Variants in CCDC192 observed in about 807,000 individuals in gnomAD.
CCDC192 encodes the protein coiled-coil domain containing 192, also known as coiled-coil domain-containing protein 192.
intron 5 of CCDC192, among the ~76,000 whole-genome samples, chr5:127,798,528 T>C (rs1198153242): frequency 1.3e-5 from 2 of 152,090 alleles, no homozygotes; most frequent in African/African-American, 2.4e-5. Context: ...AGAGCAGTTC[T>C]TCTTAAACTT....
At chr5:127,885,211 G>A (rs1194183813) in intron 6 of CCDC192, among the ~76,000 whole-genome samples, 5 of 152,186 alleles carry the variant, frequency 3.3e-5, no homozygotes, top group Non-Finnish European at 7.3e-5. Flanking sequence ...GGGAATTGGA[G>A]CTTGATCAAT....
intron 2 of CCDC192, among the ~76,000 whole-genome samples, chr5:127,711,166 A>T (rs981778241): frequency 2.6e-5 from 4 of 152,214 alleles, no homozygotes; most frequent in Non-Finnish European, 5.9e-5. Context: ...ATATAATGTC[A>T]TTGGTTATGT....
chr5:127,753,985 A>G (rs1183671634), intron 2 of CCDC192, among the ~76,000 whole-genome samples: 1 of 152,240 alleles, frequency 6.6e-6, no homozygotes, highest in Non-Finnish European at 1.5e-5. Flanking sequence ...TAAAAGTTTC[A>G]AAGTAGTCAA....
Position 127,713,336 on chromosome 5 carries a change from C to A in CCDC192, c.114+5576C>A, listed in dbSNP as rs1343438867. 7.9e-5 allele frequency among the ~76,000 whole-genome samples: 12 copies of A among 152,030 alleles called. 1 individual carries two copies. The highest frequency in any genetic ancestry group is 7.9e-4 in the Admixed American group (12 of 15,266). On this transcript the variant is annotated intron_variant, in intron 2 of 6. Coordinates refer to ENST00000514853, the MANE Select transcript of CCDC192 (RefSeq NM_001317938.2). ...GCTAATGGTGTTGAGCAACTTTTCA[C>A]TTGCTTATTTGCCATCCTTCAATCT... is the stretch of plus-strand genomic sequence containing the variant.
intron 5 of CCDC192, among the ~76,000 whole-genome samples, chr5:127,818,173 G>A (rs974988753): frequency 2.0e-5 from 3 of 151,990 alleles, no homozygotes; most frequent in Non-Finnish European, 2.9e-5. Flanking sequence ...CTTGCACTCT[G>A]GAATAAATAA....
At chr5:127,749,512 T>C (rs1239328297) in intron 2 of CCDC192, among the ~76,000 whole-genome samples, 2 of 152,180 alleles carry the variant, frequency 1.3e-5, no homozygotes, top group East Asian at 3.9e-4. Context: ...GGATTCGTTT[T>C]GCCAGTATTT....
chr5:127,899,476 C>A (rs1561544595), intron 6 of CCDC192, among the ~76,000 whole-genome samples: 1 of 151,560 alleles, frequency 6.6e-6, no homozygotes, highest in Non-Finnish European at 1.5e-5. Flanking sequence ...GGTTGGCAAG[C>A]CAGAGGGCCT....
At chr5:127,937,354 C>T (rs1036308181) in intron 6 of CCDC192, among the ~76,000 whole-genome samples, 6 of 152,004 alleles carry the variant, frequency 3.9e-5, no homozygotes, top group African/African-American at 9.7e-5. Flanking sequence ...CCCTAGCCCC[C>T]GACTAGATGG....
At chr5:127,884,701 G>A (rs544335550) in intron 6 of CCDC192, among the ~76,000 whole-genome samples, 70 of 152,240 alleles carry the variant, frequency 4.6e-4, no homozygotes, top group African/African-American at 1.7e-3. Context: ...AAGAAGATGG[G>A]GAAGCTTTCT....
In CCDC192 at chr5:127,794,242, T is replaced by C. The variant is rs570881713; in HGVS notation, c.223-2861T>C. On this transcript the variant is annotated intron_variant, in intron 3 of 6. Coordinates refer to ENST00000514853, the MANE Select transcript of CCDC192 (RefSeq NM_001317938.2). ...AACAGCAAAGAGGATAGAATTGTCATGATGACCAGGGCCTACTTTGGAGCT... is the reference window on the plus strand; with the variant it reads ...AACAGCAAAGAGGATAGAATTGTCACGATGACCAGGGCCTACTTTGGAGCT... Among the ~76,000 whole-genome samples the C allele has an allele frequency of 9.8e-5, 15 of 152,354 alleles. No individual in the cohort carries two copies. The South Asian group carries it at 2.9e-3, about 29-fold the overall frequency.
chr5:127,895,042 T>A (rs375949768), intron 6 of CCDC192, among the ~76,000 whole-genome samples: 22 of 152,222 alleles, frequency 1.4e-4, no homozygotes, highest in African/African-American at 4.8e-4. Context: ...ATGTGCAGTT[T>A]GGTTACGTAA....
chr5:127,820,361 C>T (rs35828853), intron 5 of CCDC192, among the ~76,000 whole-genome samples: 40,915 of 152,114 alleles, frequency 0.27, 6,117 homozygotes, highest in Non-Finnish European at 0.33. Flanking sequence ...GCGGGTGGAT[C>T]ACCTGGGGTC....
At chr5:127,808,371 T>A (rs893204724) in intron 5 of CCDC192, among the ~76,000 whole-genome samples, 3 of 152,118 alleles carry the variant, frequency 2.0e-5, no homozygotes. Context: ...AAATGTACAG[T>A]CTCAAAGTAA....
At chr5:127,788,094 A>AG (rs1004668386) in intron 3 of CCDC192, among the ~76,000 whole-genome samples, 16 of 151,372 alleles carry the variant, frequency 1.1e-4, no homozygotes, top group Non-Finnish European at 2.9e-5. Flanking sequence ...AAAAAAAAAA[A>AG]AAAAAAAAAG....
chr5:127,895,392 C>G lies in CCDC192; in HGVS notation c.535+19731C>G, dbSNP rs372665015. Among the ~76,000 whole-genome samples the G allele has an allele frequency of 1.1e-3, 172 of 152,344 alleles. 2 individuals carry two copies. The highest frequency in any genetic ancestry group is 3.9e-3 in the African/African-American group (162 of 41,592). On this transcript the variant is annotated intron_variant, in intron 6 of 6. Coordinates refer to ENST00000514853, the MANE Select transcript of CCDC192 (RefSeq NM_001317938.2). ...GCCCAGAGAGATCAAAAGATTGAAG[C>G]TAGCTCCAGAATCCAGATCTCCTAG...
Position 127,733,078 on chromosome 5 carries a change from G to T in CCDC192, c.115-21190G>T, listed in dbSNP as rs376664312. Among the ~76,000 whole-genome samples the T allele has an allele frequency of 3.2e-4, 48 of 152,278 alleles. No individual in the cohort carries two copies. In the South Asian group the frequency reaches 8.9e-3, roughly 28 times the overall value. ...ACAGATCAATTAAAAATTCTCTTTAGCTGGCAGGGGAGGATGCAAGGCTGT... is the reference window on the plus strand; with the variant it reads ...ACAGATCAATTAAAAATTCTCTTTATCTGGCAGGGGAGGATGCAAGGCTGT... On this transcript the variant is annotated intron_variant, in intron 2 of 6. Transcript: ENST00000514853.
intron 6 of CCDC192, among the ~76,000 whole-genome samples, chr5:127,912,289 A>G (rs1753390547): frequency 6.6e-6 from 1 of 152,024 alleles, no homozygotes; most frequent in South Asian, 2.1e-4. Context: ...CGCTACTGAC[A>G]GTATATTCAG....
chr5:127,861,659 A>G (rs767173545), intron 5 of CCDC192, among the ~76,000 whole-genome samples: 39 of 152,130 alleles, frequency 2.6e-4, no homozygotes, highest in Non-Finnish European at 4.1e-4. Context: ...TTCTCAAAAA[A>G]AAATTTTTTT....
chr5:127,849,682 G>A (rs996349899), intron 5 of CCDC192, among the ~76,000 whole-genome samples: 5 of 152,174 alleles, frequency 3.3e-5, no homozygotes, highest in African/African-American at 1.2e-4. Context: ...AGATTTGTAA[G>A]GCTCATAAAG....
Sources: allele counts gnomAD v4.1 joint callset (sites outside exome capture counted in the v4.1 genomes callset), GRCh38; gene constraint gnomAD v4.1.1; transcripts MANE v1.5; gene names NCBI Gene and HGNC (gene_info 2026-07-23, HGNC 2026-07-21).